ASB5: variants seen among roughly 807,000 people sequenced by gnomAD.
ASB5 encodes the protein ankyrin repeat and SOCS box protein 5.
ASB5 carries 45 observed loss-of-function variants against 42.1 expected under a neutral mutation model. That is an observed-to-expected ratio of 1.07 (90% CI 0.84 to 1.37). The LOEUF (loss-of-function observed/expected upper bound fraction) is 1.37, where lower values mean the gene tolerates loss of function less well. Ranked by LOEUF, ASB5 falls within the 40% of genes most tolerant of loss-of-function variation. The pLI, the probability that ASB5 is intolerant of heterozygous loss-of-function variation, is 0.00. For synonymous variants in ASB5, 147 were observed against 150.6 expected, an observed-to-expected ratio of 0.98 and a Z score of 0.18; for missense variants, 402 against 399.8, an observed-to-expected ratio of 1.01 and a Z score of -0.05.
Position 176,216,995 on chromosome 4 carries a change from T to G in ASB5, c.685A>C (p.Lys229Gln). Residue 229 changes from lysine (K) to glutamine (Q), a missense_variant, in exon 6 of 7, where the codon AAA becomes CAA. Transcript: ENST00000296525. The part of the protein sequence containing the change: ...KLLYAGADVQ[K>Q]GKYWDTPLHA... ...AATGGAGTATCCCAATATTTGCCTTTCTGTACGTCAGCACCTACATGTAAT... is the reference window on the plus strand; with the variant it reads ...AATGGAGTATCCCAATATTTGCCTTGCTGTACGTCAGCACCTACATGTAAT... 1 of 1,607,620 alleles carries G rather than the reference T, an allele frequency of 6.2e-7. No individual in the cohort carries two copies. Among genetic ancestry groups the G allele is most frequent in the South Asian group, 1.1e-5 (1 of 89,558 alleles).
chr4:176,237,419 G>T (rs534817332), intron 1 of ASB5: 1 of 985,886 alleles, frequency 1.0e-6, no homozygotes, highest in East Asian at 1.1e-4. Flanking sequence ...TGCGGACATA[G>T]TTTGGTTGAC....
chr4:176,221,962 A>G (rs1753225756), intron 3 of ASB5, among the ~76,000 whole-genome samples: 1 of 152,210 alleles, frequency 6.6e-6, no homozygotes, highest in South Asian at 2.1e-4. Context: ...GCTAGTTTAA[A>G]GTGGTAAAAT....
intron 1 of ASB5, among the ~76,000 whole-genome samples, chr4:176,232,267 C>A (rs1753569214): frequency 6.6e-6 from 1 of 151,892 alleles, no homozygotes; most frequent in South Asian, 2.1e-4. Context: ...GGATTACAGA[C>A]ATGTGCCAAC....
intron 1 of ASB5, among the ~76,000 whole-genome samples, chr4:176,233,626 T>C (rs1753609131): frequency 6.6e-6 from 1 of 151,932 alleles, no homozygotes; most frequent in Non-Finnish European, 1.5e-5. Context: ...TTGAAAGGAG[T>C]CAGTTGTTTT....
At chr4:176,230,591 C>T (rs181534332) in intron 1 of ASB5, among the ~76,000 whole-genome samples, 2 of 152,262 alleles carry the variant, frequency 1.3e-5, no homozygotes, top group African/African-American at 4.8e-5. Context: ...ATATGAGAAT[C>T]AAAGGATACT....
intron 1 of ASB5, among the ~76,000 whole-genome samples, chr4:176,255,833 C>A (rs986059235): frequency 8.5e-5 from 13 of 152,082 alleles, no homozygotes; most frequent in African/African-American, 2.9e-4. Context: ...AGGTAACAAA[C>A]CTGTATCCCC....
intron 1 of ASB5, among the ~76,000 whole-genome samples, chr4:176,238,094 G>A (rs1753730019): frequency 6.6e-6 from 1 of 151,786 alleles, no homozygotes; most frequent in African/African-American, 2.4e-5. Context: ...TAGGGACGGG[G>A]CGCCTGTAGT....
chr4:176,213,722 A>G lies in ASB5; in HGVS notation c.*1878T>C, dbSNP rs1752895181. On this transcript the variant is annotated 3_prime_UTR_variant, in exon 7 of 7. Transcript: ENST00000296525. ...CACTTTAATATAATAACAAACATAC[A>G]ATACATTAAAGTTAGAACACTACTT... 6.6e-6 allele frequency: 1 copy of G among 152,094 alleles called. No individual in the cohort carries two copies. The highest frequency in any genetic ancestry group is 1.5e-5 in the Non-Finnish European group (1 of 67,970). 9.4% of individuals were successfully genotyped at this position (152,094 alleles called of 1,614,324 possible). A position where few individuals can be genotyped will look rare whatever the true frequency, so the allele number is the denominator to read the frequency against.
At chr4:176,265,013 C>G (rs187751829) in intron 1 of ASB5, among the ~76,000 whole-genome samples, 1 of 152,132 alleles carries the variant, frequency 6.6e-6, no homozygotes. Context: ...AAATCTCTCT[C>G]GTCCAACTCC....
chr4:176,237,691 T>C (rs750299324), intron 1 of ASB5: 96 of 595,910 alleles, frequency 1.6e-4, no homozygotes, highest in Middle Eastern at 1.7e-3. Context: ...CGGAAGTCTT[T>C]AACTATTTGT....
chr4:176,216,790 TG>T (rs767803560), intron 6 of ASB5, 27 bp downstream of exon 6: 8 of 1,513,234 alleles, frequency 5.3e-6, no homozygotes, highest in Non-Finnish European at 6.2e-6. Flanking sequence ...ATTTTGTTTT[TG>T]TAAGTTTCCA....
chr4:176,264,119 G>T (rs941509116), intron 1 of ASB5, among the ~76,000 whole-genome samples: 3 of 151,924 alleles, frequency 2.0e-5, no homozygotes, highest in African/African-American at 4.8e-5. Flanking sequence ...TATTCTATAT[G>T]ATGATTCTAC....
chr4:176,242,720 A>G (rs1208901236), intron 1 of ASB5, among the ~76,000 whole-genome samples: 1 of 152,092 alleles, frequency 6.6e-6, no homozygotes, highest in Non-Finnish European at 1.5e-5. Flanking sequence ...TTTTCACTTT[A>G]TTAATTTCTG....
intron 2 of ASB5, chr4:176,275,712 T>G (rs1302100126): frequency 6.6e-6 from 1 of 152,218 alleles, no homozygotes; most frequent in African/African-American, 2.4e-5. Context: ...CTGGTGCTTC[T>G]ATCCTGGAGG....
chr4:176,241,798 G>T, intron 1 of ASB5: 1 of 575,122 alleles, frequency 1.7e-6, no homozygotes, highest in Non-Finnish European at 2.4e-6. Context: ...AAAGGTTGCT[G>T]GGAAACTACA....
chr4:176,275,896 T>C (rs1412444046), exon 2 of ASB5: 5 of 152,256 alleles, frequency 3.3e-5, no homozygotes, highest in Non-Finnish European at 7.3e-5. Flanking sequence ...AGGTAGAATT[T>C]ATTCTTCCAC....
chr4:176,249,914 A>AC (rs1753993917), intron 1 of ASB5, among the ~76,000 whole-genome samples: 1 of 151,142 alleles, frequency 6.6e-6, no homozygotes, highest in Non-Finnish European at 1.5e-5. Flanking sequence ...AAACACAAAA[A>AC]ATTAGCCGGG....
intron 1 of ASB5, among the ~76,000 whole-genome samples, chr4:176,239,029 A>G (rs1462182751): frequency 2.0e-5 from 3 of 152,212 alleles, no homozygotes; most frequent in African/African-American, 7.2e-5. Flanking sequence ...CGTGAGCTGT[A>G]GACATATTAT....
chr4:176,271,087 T>C (rs1029796956), upstream of ASB5, among the ~76,000 whole-genome samples: 3 of 152,214 alleles, frequency 2.0e-5, no homozygotes, highest in African/African-American at 7.2e-5. Flanking sequence ...TTTAAATCCT[T>C]CTAGTTTTAC....
Sources: allele counts gnomAD v4.1 joint callset (sites outside exome capture counted in the v4.1 genomes callset), GRCh38; gene constraint gnomAD v4.1.1; transcripts MANE v1.5; gene names NCBI Gene and HGNC (gene_info 2026-07-23, HGNC 2026-07-21).